GRIN2B: variants seen among roughly 807,000 people sequenced by gnomAD.
GRIN2B encodes the protein glutamate ionotropic receptor NMDA type subunit 2B.
In GRIN2B, 5 loss-of-function variants were observed where a neutral mutation model predicts 114.5. The ratio of observed to expected loss-of-function variants is 0.04; its 90% CI spans 0.02 to 0.09. The LOEUF is 0.09. GRIN2B is among the 10% of genes least tolerant of loss of function. GRIN2B has a pLI of 1.00. For missense variants in GRIN2B, 1,108 were observed against 1,943.5 expected (o/e 0.57, Z 8.08); for synonymous variants, 787 against 745.1 (o/e 1.06, Z -0.92).
intron 3 of GRIN2B, among the ~76,000 whole-genome samples, chr12:13,782,972 T>C (rs1258184843): frequency 1.3e-5 from 2 of 152,232 alleles, no homozygotes; most frequent in Admixed American, 1.3e-4. Flanking sequence ...CTTCCACATT[T>C]AGAGGATGCC....
chr12:13,801,668 C>T (rs1199776667), intron 3 of GRIN2B, among the ~76,000 whole-genome samples: 4 of 152,106 alleles, frequency 2.6e-5, no homozygotes, highest in African/African-American at 7.2e-5. Context: ...TCAGACATAA[C>T]GATCCTAAGG....
intron 4 of GRIN2B, among the ~76,000 whole-genome samples, chr12:13,735,314 G>A (rs530957185): frequency 2.0e-5 from 3 of 152,280 alleles, no homozygotes; most frequent in South Asian, 4.2e-4. Context: ...AGACATGAAG[G>A]TGATAGGTTT....
intron 3 of GRIN2B, among the ~76,000 whole-genome samples, chr12:13,858,429 C>T (rs1161218990): frequency 6.6e-6 from 1 of 152,092 alleles, no homozygotes; most frequent in Non-Finnish European, 1.5e-5. Flanking sequence ...AATCAAAATA[C>T]AATTTTGAAT....
chr12:13,916,736 T>TG (rs58372849), intron 2 of GRIN2B, among the ~76,000 whole-genome samples: 256 of 17,914 alleles, frequency 0.014, 3 homozygotes, highest in East Asian at 0.078. Flanking sequence ...CACACACACA[T>TG]TTGTGTGTGT....
chr12:13,647,094 AG>A lies in GRIN2B; in HGVS notation c.1125+28650del, dbSNP rs1374494242. On this transcript the variant is annotated intron_variant, in intron 5 of 13. Coordinates refer to ENST00000609686, the MANE Select transcript of GRIN2B (RefSeq NM_000834.5). ...TCAAGCCTCAAGATGAAAACATAGC[AG>A]GGCTGACACTTTGGTTGCATCTTTT... Among the ~76,000 whole-genome samples, 13 of 152,226 alleles carry A rather than the reference AG, an allele frequency of 8.5e-5. No individual in the cohort carries two copies. In the East Asian group the frequency reaches 1.7e-3, roughly 20 times the overall value.
chr12:13,590,440 C>T (rs1948992142), intron 10 of GRIN2B, among the ~76,000 whole-genome samples: 1 of 152,082 alleles, frequency 6.6e-6, no homozygotes, highest in Admixed American at 6.5e-5. Context: ...TCCCTGTGTC[C>T]ATGTGTTCTC....
chr12:13,851,089 C>G lies in GRIN2B; in HGVS notation c.411+14709G>C, dbSNP rs993580853. On this transcript the variant is annotated intron_variant, in intron 3 of 13. Transcript: ENST00000609686. ...TTCTGAAACTCCAAATTTGGCCCAC[C>G]CCACTCTCCTCCCAACCAGGGCAAA... 5.7e-4 allele frequency among the ~76,000 whole-genome samples: 87 copies of G among 152,022 alleles called. 1 individual carries two copies. The highest frequency in any genetic ancestry group is 2.2e-4 in the Non-Finnish European group (15 of 67,994).
At chr12:13,725,930 GTTTC>G (rs949941926) in intron 4 of GRIN2B, among the ~76,000 whole-genome samples, 15 of 152,172 alleles carry the variant, frequency 9.9e-5, no homozygotes, top group African/African-American at 3.6e-4. Flanking sequence ...CCAGACTGGA[GTTTC>G]TTGCAGATCT....
intron 3 of GRIN2B, among the ~76,000 whole-genome samples, chr12:13,855,049 GAAAAAAAA>G (rs3082840): frequency 1.1e-5 from 1 of 88,028 alleles, no homozygotes; most frequent in Non-Finnish European, 2.2e-5. Flanking sequence ...CATCTCTACT[GAAAAAAAA>G]AAAAAAAAAA....
intron 2 of GRIN2B, among the ~76,000 whole-genome samples, chr12:13,876,819 T>C (rs1382811385): frequency 6.6e-6 from 1 of 152,104 alleles, no homozygotes; most frequent in Non-Finnish European, 1.5e-5. Flanking sequence ...CTATGTCTTA[T>C]TTATCTATCT....
At chr12:13,831,935 C>T (rs1321171099) in intron 3 of GRIN2B, among the ~76,000 whole-genome samples, 1 of 152,190 alleles carries the variant, frequency 6.6e-6, no homozygotes, top group African/African-American at 2.4e-5. Context: ...GGAAGAAACA[C>T]TTTCATATGT....
rs73053679 is a variant in GRIN2B at position 13,792,673 on chromosome 12, C to A, written c.412-38758G>T. 4.6e-5 allele frequency among the ~76,000 whole-genome samples: 7 copies of A among 152,304 alleles called. 1 individual carries two copies. In the South Asian group the frequency reaches 1.4e-3, roughly 32 times the overall value. ...GGTCTGTGCTCTCAATGGAAGAAGA[C>A]CGCAGGGTCTGAAAGAGGCCATGGT... On this transcript the variant is annotated intron_variant, in intron 3 of 13. Transcript: ENST00000609686.
Position 13,537,404 on chromosome 12 carries a change from A to G in GRIN2B, c.*25379T>C, listed in dbSNP as rs1948226144. ...TAGAGGAGCTTTGCAGTATGTCTAT[A>G]TCTAGCCGTGTATGCTGGGGATAGG... On this transcript the variant is annotated 3_prime_UTR_variant, in exon 14 of 14. Coordinates refer to ENST00000609686, the MANE Select transcript of GRIN2B (RefSeq NM_000834.5). 1 of 152,174 alleles carries G rather than the reference A, an allele frequency of 6.6e-6. No individual in the cohort carries two copies. Among genetic ancestry groups the G allele is most frequent in the Non-Finnish European group, 1.5e-5 (1 of 68,032 alleles). 9.4% of individuals were successfully genotyped at this position (152,174 alleles called of 1,614,324 possible).
intron 3 of GRIN2B, among the ~76,000 whole-genome samples, chr12:13,839,311 G>C (rs1156465190): frequency 6.6e-6 from 1 of 152,226 alleles, no homozygotes; most frequent in Non-Finnish European, 1.5e-5. Context: ...ACCTGAATGA[G>C]AGTGATGGAG....
chr12:13,676,618 G>A (rs1055645124), intron 4 of GRIN2B, among the ~76,000 whole-genome samples: 9 of 152,128 alleles, frequency 5.9e-5, no homozygotes, highest in African/African-American at 1.9e-4. Context: ...TGGAAGTGGT[G>A]GAGATAAGAA....
At chr12:13,643,045 T>C (rs995527244) in intron 5 of GRIN2B, among the ~76,000 whole-genome samples, 1 of 152,210 alleles carries the variant, frequency 6.6e-6, no homozygotes, top group Admixed American at 6.5e-5. Flanking sequence ...TGTCTCTTTT[T>C]CAATGATGAA....
intron 4 of GRIN2B, among the ~76,000 whole-genome samples, chr12:13,723,026 C>T (rs557101796): frequency 4.6e-5 from 7 of 152,178 alleles, no homozygotes; most frequent in African/African-American, 1.2e-4. Context: ...CTCCTTCACT[C>T]GTGTCCAGGA....
chr12:13,848,372 C>T (rs1008328672), intron 3 of GRIN2B, among the ~76,000 whole-genome samples: 11 of 152,018 alleles, frequency 7.2e-5, no homozygotes, highest in African/African-American at 2.7e-4. Flanking sequence ...AGACCCAGGA[C>T]TGAATCGAAC....
At chr12:13,897,312 C>T (rs1866370041) in intron 2 of GRIN2B, among the ~76,000 whole-genome samples, 1 of 152,152 alleles carries the variant, frequency 6.6e-6, no homozygotes, top group African/African-American at 2.4e-5. Flanking sequence ...TCACTTACTC[C>T]ATTAGCACAC....
Sources: allele counts gnomAD v4.1 joint callset (sites outside exome capture counted in the v4.1 genomes callset), GRCh38; gene constraint gnomAD v4.1.1; transcripts MANE v1.5; gene names NCBI Gene and HGNC (gene_info 2026-07-23, HGNC 2026-07-21).